Variants in PEAK1 observed in about 807,000 individuals in gnomAD.
The protein encoded by PEAK1 is pseudopodium enriched atypical kinase 1, also known as inactive tyrosine-protein kinase PEAK1.
In PEAK1, 54 loss-of-function variants were observed where a neutral mutation model predicts 124.7. The ratio of observed to expected loss-of-function variants is 0.43; its 90% CI spans 0.35 to 0.54. The LOEUF (loss-of-function observed/expected upper bound fraction) is 0.54, where lower values mean the gene tolerates loss of function less well. Among genes scored for constraint, PEAK1 ranks in the 20% least tolerant of loss-of-function variants. The pLI, the probability that PEAK1 is intolerant of heterozygous loss-of-function variation, is 0.01. For synonymous variants in PEAK1, 719 were observed against 760.0 expected (o/e 0.95, Z 0.89); for missense variants, 2,046 against 2,134.5 (o/e 0.96, Z 0.82).
chr15:77,375,986 G>A (rs1028203796), intron 1 of PEAK1, among the ~76,000 whole-genome samples: 8 of 151,080 alleles, frequency 5.3e-5, no homozygotes, highest in Non-Finnish European at 1.0e-4. Flanking sequence ...GAGACAGAGC[G>A]AGACTCCGTC....
At chr15:77,364,255 T>G (rs1450246610) in intron 2 of PEAK1, among the ~76,000 whole-genome samples, 2 of 152,184 alleles carry the variant, frequency 1.3e-5, no homozygotes, top group African/African-American at 4.8e-5. Context: ...GTTGCACATC[T>G]CTGTAAATAT....
chr15:77,205,976 C>CT (rs1338891923), intron 6 of PEAK1, among the ~76,000 whole-genome samples: 3 of 117,458 alleles, frequency 2.6e-5, no homozygotes, highest in Non-Finnish European at 5.2e-5. Flanking sequence ...TCCCTCCCCC[C>CT]TCCCCCCACC....
chr15:77,183,323 GC>G (rs530760958), intron 6 of PEAK1, among the ~76,000 whole-genome samples: 168 of 152,264 alleles, frequency 1.1e-3, no homozygotes, highest in African/African-American at 3.9e-3. Flanking sequence ...CAGACTGTAT[GC>G]TTCACTTTTA....
At chr15:77,419,184 T>C (rs2073140721) in intron 1 of PEAK1, 1 of 985,058 alleles carries the variant, frequency 1.0e-6, no homozygotes, top group Non-Finnish European at 1.2e-6. Flanking sequence ...AAAGTAACAT[T>C]TAACAGGCCA....
chr15:77,200,696 G>T (rs1048603727), intron 6 of PEAK1, among the ~76,000 whole-genome samples: 1 of 152,014 alleles, frequency 6.6e-6, no homozygotes, highest in Non-Finnish European at 1.5e-5. Flanking sequence ...TATTTATTTT[G>T]AAAATCTACT....
intron 2 of PEAK1, among the ~76,000 whole-genome samples, chr15:77,314,825 C>G (rs566461245): frequency 6.6e-6 from 1 of 152,190 alleles, no homozygotes; most frequent in Admixed American, 6.5e-5. Context: ...CTTTTGCTTT[C>G]CGTAGTTTCA....
At chr15:77,403,017 C>A (rs2071505257) in intron 1 of PEAK1, 1 of 985,322 alleles carries the variant, frequency 1.0e-6, no homozygotes, top group East Asian at 1.1e-4. Context: ...TATACTTCCA[C>A]TCTAAGCAAT....
Position 77,286,348 on chromosome 15 carries a change from A to G in PEAK1, c.-521+75T>C, listed in dbSNP as rs114155232. 3,818 of 824,642 alleles carry G rather than the reference A, an allele frequency of 4.6e-3. 63 individuals are homozygous for G. Among genetic ancestry groups the G allele is most frequent in the African/African-American group, 0.044 (2,496 of 56,336 alleles). The allele number at this position is 824,642 out of a possible 1,614,324, so 51.1% of individuals were successfully genotyped here. ...TTAAAATTATTAGATTTTTGCTGAA[A>G]TAAGACAGGAGATTAATAAAAGAGA... On this transcript the variant is annotated intron_variant, in intron 3 of 9. Coordinates refer to ENST00000682557, the MANE Select transcript of PEAK1 (RefSeq NM_001385026.1).
At chr15:77,192,455 T>C (rs529111790) in intron 6 of PEAK1, among the ~76,000 whole-genome samples, 3 of 152,326 alleles carry the variant, frequency 2.0e-5, no homozygotes, top group Non-Finnish European at 4.4e-5. Context: ...GGGGAGTTAC[T>C]GGATATTAAT....
intron 1 of PEAK1, among the ~76,000 whole-genome samples, chr15:77,409,125 CGATAACAAAA>C (rs2072185445): frequency 6.6e-6 from 1 of 152,012 alleles, no homozygotes; most frequent in Admixed American, 6.5e-5. Context: ...TCTTCCCTTG[CGATAACAAAA>C]CTGAATCTAC....
intron 8 of PEAK1, chr15:77,158,150 C>G (rs2055320340): frequency 5.7e-6 from 1 of 175,010 alleles, no homozygotes; most frequent in African/African-American, 2.4e-5. Flanking sequence ...AGAAAGGTAT[C>G]TTTTGACACC....
chr15:77,244,273 T>C (rs938205059), intron 6 of PEAK1, among the ~76,000 whole-genome samples: 1 of 152,222 alleles, frequency 6.6e-6, no homozygotes, highest in Non-Finnish European at 1.5e-5. Flanking sequence ...TATCTATTAT[T>C]TGAGACTGAG....
chr15:77,381,247 A>G (rs2141819378), intron 1 of PEAK1: 1 of 982,024 alleles, frequency 1.0e-6, no homozygotes, highest in East Asian at 1.1e-4. Flanking sequence ...GACATAATTG[A>G]TCCTTAAAGA....
At chr15:77,226,066 T>TATATATATATATATATATA (rs2059650201) in intron 6 of PEAK1, among the ~76,000 whole-genome samples, 1 of 135,364 alleles carries the variant, frequency 7.4e-6, no homozygotes, top group Non-Finnish European at 1.6e-5. Flanking sequence ...TATATATATA[T>TATATATATATATATATATA]ATATATATAT....
At chr15:77,168,307 C>T (rs1219299942) in intron 7 of PEAK1, among the ~76,000 whole-genome samples, 1 of 151,674 alleles carries the variant, frequency 6.6e-6, no homozygotes. Flanking sequence ...AGTACCAAAC[C>T]TTTCCAGTAT....
rs745849079 is a variant in PEAK1, at chr15:77,180,101, A to G, written c.1826T>C (p.Ile609Thr). The G allele has an allele frequency of 1.2e-6, 2 of 1,614,190 alleles. No individual in the cohort carries two copies. Among genetic ancestry groups the G allele is most frequent in the South Asian group, 2.2e-5 (2 of 91,078 alleles). Residue 609 changes from isoleucine (I) to threonine (T), a missense_variant, in exon 7 of 10, where the codon ATC (isoleucine) becomes ACC (threonine). By Grantham distance (89) the Ile-to-Thr change is moderately conservative (BLOSUM62 -1). Coordinates refer to ENST00000682557, the MANE Select transcript of PEAK1 (RefSeq NM_001385026.1). ...NNAGMPPFPI[I>T]IHDEPTYARS... The stretch of plus-strand genomic sequence containing the variant: ...AGCATAAGTTGGCTCGTCATGAATG[A>G]TAATTGGAAAAGGTGGCATACCAGC...
intron 6 of PEAK1, among the ~76,000 whole-genome samples, chr15:77,244,795 G>C (rs2060507211): frequency 6.6e-6 from 1 of 151,906 alleles, no homozygotes; most frequent in Non-Finnish European, 1.5e-5. Context: ...CACCACATTG[G>C]GCAGGCTGGT....
chr15:77,289,772 G>A (rs1318816612), intron 2 of PEAK1, among the ~76,000 whole-genome samples: 1 of 152,076 alleles, frequency 6.6e-6, no homozygotes, highest in African/African-American at 2.4e-5. Context: ...GGGAGGCGAA[G>A]GTTACAGTGA....
chr15:77,119,564 C>T (rs1411989041), intron 9 of PEAK1, among the ~76,000 whole-genome samples: 1 of 152,126 alleles, frequency 6.6e-6, no homozygotes, highest in Non-Finnish European at 1.5e-5. Flanking sequence ...TGTTGGAAAA[C>T]TGGGGGAGAG....
Sources: gnomAD v4.1 joint callset for allele counts (sites outside exome capture counted in the v4.1 genomes callset) on GRCh38, gnomAD v4.1.1 for gene constraint, MANE v1.5 for transcripts, NCBI Gene and HGNC (gene_info 2026-07-23, HGNC 2026-07-21) for gene names.